Variants in CTNNA3 observed in about 807,000 individuals in gnomAD.
CTNNA3 encodes catenin alpha-3.
In CTNNA3, 76 loss-of-function variants were observed where a neutral mutation model predicts 95.7. The ratio of observed to expected loss-of-function variants is 0.79; its 90% CI spans 0.66 to 0.96. The LOEUF (loss-of-function observed/expected upper bound fraction) is 0.96. Among genes scored for constraint, CTNNA3 ranks in the 40% least tolerant of loss-of-function variants. CTNNA3 has a pLI of 0.00. For synonymous variants in CTNNA3, 431 were observed against 374.4 expected (o/e 1.15, Z -1.74); for missense variants, 1,191 against 1,089.8 (o/e 1.09, Z -1.31).
chr10:67,350,908 G>A (rs1006147798), intron 5 of CTNNA3, among the ~76,000 whole-genome samples: 2 of 50,244 alleles, frequency 4.0e-5, no homozygotes, highest in Non-Finnish European at 9.2e-5. Flanking sequence ...AAAAAAGTAT[G>A]TGTATATATA....
rs547520827 is a variant in CTNNA3 at position 66,369,708 on chromosome 10, G to A, written c.1732+9444C>T. On this transcript the variant is annotated intron_variant, in intron 12 of 17. Coordinates refer to ENST00000433211, the MANE Select transcript of CTNNA3 (RefSeq NM_013266.4). Reference sequence around the variant, plus strand: ...ACATTGTCATTTGCAAATGTTGGCCGGCTAATTTGTTTTTTTCTTAGCAAC... The same window carrying A: ...ACATTGTCATTTGCAAATGTTGGCCAGCTAATTTGTTTTTTTCTTAGCAAC... Among the ~76,000 whole-genome samples the A allele has an allele frequency of 7.9e-5, 12 of 152,098 alleles. No individual in the cohort carries two copies. The South Asian group carries it at 1.5e-3, about 18-fold the overall frequency.
intron 7 of CTNNA3, among the ~76,000 whole-genome samples, chr10:67,042,750 A>G (rs918984038): frequency 2.6e-5 from 4 of 152,042 alleles, no homozygotes; most frequent in African/African-American, 7.2e-5. Context: ...GAAGAGTAGG[A>G]CTGAAAATGT....
At chr10:67,441,697 T>C (rs1357294906) in intron 5 of CTNNA3, among the ~76,000 whole-genome samples, 2 of 152,160 alleles carry the variant, frequency 1.3e-5, no homozygotes, top group African/African-American at 4.8e-5. Context: ...TATTCTAGAA[T>C]AGTATATACT....
intron 11 of CTNNA3, among the ~76,000 whole-genome samples, chr10:66,484,135 A>C (rs535691305): frequency 6.6e-6 from 1 of 151,072 alleles, no homozygotes; most frequent in African/African-American, 2.5e-5. Context: ...CATGTTGCTA[A>C]TGCAACCAAA....
At chr10:66,933,678 C>G (rs999238611) in intron 7 of CTNNA3, among the ~76,000 whole-genome samples, 1 of 152,142 alleles carries the variant, frequency 6.6e-6, no homozygotes. Flanking sequence ...ATAGAAATTA[C>G]TATTGACTTT....
At chr10:67,709,948 C>A (rs1327488055) in intron 1 of CTNNA3, among the ~76,000 whole-genome samples, 3 of 152,056 alleles carry the variant, frequency 2.0e-5, no homozygotes, top group Non-Finnish European at 2.9e-5. Context: ...TAATAGTTTT[C>A]TTTTTAACAG....
chr10:66,569,879 G>T (rs760945026), intron 10 of CTNNA3, among the ~76,000 whole-genome samples: 1 of 152,114 alleles, frequency 6.6e-6, no homozygotes, highest in Non-Finnish European at 1.5e-5. Flanking sequence ...TGATTCAAAA[G>T]GCAGAGCCAT....
At chr10:66,082,796 T>C (rs2080813436) in intron 14 of CTNNA3, among the ~76,000 whole-genome samples, 1 of 152,216 alleles carries the variant, frequency 6.6e-6, no homozygotes, top group South Asian at 2.1e-4. Context: ...CAGAATAATT[T>C]ACTTCATGGT....
intron 5 of CTNNA3, among the ~76,000 whole-genome samples, chr10:67,317,741 GGTC>G (rs1841120845): frequency 6.6e-6 from 1 of 151,978 alleles, no homozygotes. Context: ...GGGGTTTTAA[GGTC>G]AAACATACTA....
intron 7 of CTNNA3, among the ~76,000 whole-genome samples, chr10:66,802,999 G>A (rs1056676144): frequency 6.6e-6 from 1 of 151,700 alleles, no homozygotes; most frequent in African/African-American, 2.4e-5. Context: ...TGAACTTAAT[G>A]GTATATCGGA....
intron 12 of CTNNA3, among the ~76,000 whole-genome samples, chr10:66,302,754 A>G (rs1207246561): frequency 1.3e-5 from 2 of 152,272 alleles, no homozygotes; most frequent in South Asian, 4.1e-4. Context: ...TTATTTTAAA[A>G]TAAATAGTTT....
chr10:67,221,843 A>G (rs556863511), intron 5 of CTNNA3, among the ~76,000 whole-genome samples: 1 of 152,176 alleles, frequency 6.6e-6, no homozygotes, highest in African/African-American at 2.4e-5. Context: ...CAAAGTGGAA[A>G]AATTTCTTAT....
intron 7 of CTNNA3, among the ~76,000 whole-genome samples, chr10:66,781,791 C>G (rs1420314528): frequency 2.0e-5 from 3 of 152,116 alleles, no homozygotes; most frequent in Non-Finnish European, 4.4e-5. Flanking sequence ...TGTCAAATGT[C>G]TACCACATAT....
intron 1 of CTNNA3, among the ~76,000 whole-genome samples, chr10:67,728,304 T>G (rs1390503389): frequency 6.7e-6 from 1 of 148,866 alleles, no homozygotes; most frequent in Non-Finnish European, 1.5e-5. Flanking sequence ...AATACAAAAA[T>G]TAGCCAGGCA....
At chr10:67,119,087 A>C (rs1255236659) in intron 7 of CTNNA3, among the ~76,000 whole-genome samples, 1 of 151,998 alleles carries the variant, frequency 6.6e-6, no homozygotes, top group Non-Finnish European at 1.5e-5. Context: ...AATACTAATG[A>C]AAACATCAAT....
chr10:67,435,646 T>G (rs1468180562), intron 5 of CTNNA3, among the ~76,000 whole-genome samples: 1 of 152,086 alleles, frequency 6.6e-6, no homozygotes, highest in African/African-American at 2.4e-5. Flanking sequence ...AAGATTAATG[T>G]ACACCAATCA....
chr10:67,279,583 T>C (rs1230877499), intron 5 of CTNNA3, among the ~76,000 whole-genome samples: 1 of 138,834 alleles, frequency 7.2e-6, no homozygotes, highest in Non-Finnish European at 1.6e-5. Context: ...AATTGGCACT[T>C]TACATAAGTT....
intron 1 of CTNNA3, among the ~76,000 whole-genome samples, chr10:67,739,528 G>T (rs1217208946): frequency 1.3e-5 from 2 of 151,882 alleles, no homozygotes; most frequent in Non-Finnish European, 2.9e-5. Context: ...CAAACAGAGA[G>T]CCAAATCATG....
At chr10:66,601,847 C>G (rs868148497) in intron 10 of CTNNA3, among the ~76,000 whole-genome samples, 5 of 151,980 alleles carry the variant, frequency 3.3e-5, no homozygotes, top group African/African-American at 1.2e-4. Context: ...GTCGCCCCAA[C>G]CAGCTTATAT....
Sources: gnomAD v4.1 joint callset for allele counts (sites outside exome capture counted in the v4.1 genomes callset) on GRCh38, gnomAD v4.1.1 for gene constraint, MANE v1.5 for transcripts, NCBI Gene and HGNC (gene_info 2026-07-23, HGNC 2026-07-21) for gene names.